The following DNAJB6 variants were observed in gnomAD, a reference collection of about 807,000 sequenced individuals.
The protein encoded by DNAJB6 is dnaJ homolog subfamily B member 6.
Under a neutral mutation model 42.7 loss-of-function variants are expected in DNAJB6, and 16 were observed. The observed-to-expected ratio is 0.37, with a 90% CI of 0.25 to 0.57. DNAJB6 has a LOEUF of 0.57. Ranked by LOEUF, DNAJB6 falls within the 20% of genes least tolerant of loss-of-function variation. The probability of loss-of-function intolerance (pLI) is 0.74; values close to 1 mark genes in which losing one functional copy is unlikely to be tolerated. For missense variants in DNAJB6, 347 were observed against 416.8 expected (o/e 0.83, Z 1.46); for synonymous variants, 170 against 163.5 (o/e 1.04, Z -0.30).
intron 2 of DNAJB6, among the ~76,000 whole-genome samples, chr7:157,360,873 A>G (rs1163190746): frequency 1.3e-5 from 2 of 152,210 alleles, no homozygotes; most frequent in Admixed American, 6.5e-5. Flanking sequence ...ACTGGTGTGC[A>G]GGTCCAACAG....
intron 2 of DNAJB6, among the ~76,000 whole-genome samples, chr7:157,360,553 T>G (rs1563121037): frequency 6.6e-6 from 1 of 152,214 alleles, no homozygotes; most frequent in Non-Finnish European, 1.5e-5. Flanking sequence ...AACATACAGG[T>G]TGCTGAGTGT....
At chr7:157,391,406 A>T (rs1261405811) in intron 8 of DNAJB6, among the ~76,000 whole-genome samples, 1 of 152,228 alleles carries the variant, frequency 6.6e-6, no homozygotes, top group African/African-American at 2.4e-5. Context: ...GTTTTCCACG[A>T]GTCTTTTCAG....
intron 1 of DNAJB6, among the ~76,000 whole-genome samples, chr7:157,345,416 G>A (rs1002525984): frequency 6.6e-6 from 1 of 152,146 alleles, no homozygotes; most frequent in South Asian, 2.1e-4. Context: ...TTGCGCTCAA[G>A]TGATCCTGCC....
chr7:157,374,184 T>C (rs1188033006), intron 5 of DNAJB6, among the ~76,000 whole-genome samples: 1 of 152,204 alleles, frequency 6.6e-6, no homozygotes, highest in African/African-American at 2.4e-5. Context: ...GAGAGTTTCT[T>C]GGAGAACATG....
intron 1 of DNAJB6, among the ~76,000 whole-genome samples, chr7:157,341,479 T>G (rs1353094278): frequency 6.6e-6 from 1 of 152,198 alleles, no homozygotes; most frequent in African/African-American, 2.4e-5. Flanking sequence ...GAAGGGTGAT[T>G]TAGTTTACAC....
intron 2 of DNAJB6, among the ~76,000 whole-genome samples, chr7:157,362,948 T>C (rs1412321659): frequency 1.3e-5 from 2 of 152,198 alleles, no homozygotes; most frequent in African/African-American, 4.8e-5. Flanking sequence ...TAGCTGGGTC[T>C]ATCTGTGGCT....
chr7:157,370,253 ATTATTATTAAACCGGCCTTTCATTAACG>A (rs1800132731), intron 5 of DNAJB6, among the ~76,000 whole-genome samples: 4 of 150,378 alleles, frequency 2.7e-5, no homozygotes. Context: ...CTTTCTTAAC[ATTATTATTAAACCGGCCTTTCATTAACG>A]TTATTATTAA....
chr7:157,362,028 A>G lies in DNAJB6; in HGVS notation c.66-1133A>G, dbSNP rs144981796. On this transcript the variant is annotated intron_variant, in intron 2 of 9. Coordinates refer to ENST00000262177, the MANE Select transcript of DNAJB6 (RefSeq NM_058246.4). ...TGATCCACCCACCTCGGCCTGCCAGAGTGCTGGGATTACAGGTGTGAGCCG... is the reference window on the plus strand; with the variant it reads ...TGATCCACCCACCTCGGCCTGCCAGGGTGCTGGGATTACAGGTGTGAGCCG... 4.7e-3 allele frequency among the ~76,000 whole-genome samples: 710 copies of G among 151,716 alleles called. 5 individuals are homozygous for G. Among genetic ancestry groups the G allele is most frequent in the African/African-American group, 0.016 (672 of 41,368 alleles).
chr7:157,358,047 T>C (rs748214856), intron 1 of DNAJB6, among the ~76,000 whole-genome samples: 4 of 152,312 alleles, frequency 2.6e-5, no homozygotes, highest in African/African-American at 9.6e-5. Flanking sequence ...TGTTCCCTCG[T>C]GTGGGTGACA....
At chr7:157,382,097 A>T in intron 5 of DNAJB6, 149 bp from the exon 6 acceptor site, 2 of 741,122 alleles carry the variant, frequency 2.7e-6, no homozygotes, top group Middle Eastern at 3.8e-4. Context: ...TGTTTCAGTT[A>T]CTCTGTAGAT....
At chr7:157,378,578 C>G (rs1432326637) in intron 5 of DNAJB6, 2 of 152,252 alleles carry the variant, frequency 1.3e-5, no homozygotes, top group Admixed American at 1.3e-4. Flanking sequence ...GCATTTCTCT[C>G]CAGCTCTGCT....
intron 9 of DNAJB6, chr7:157,411,110 G>A (rs1795955059): frequency 6.6e-6 from 1 of 152,254 alleles, no homozygotes; most frequent in Admixed American, 6.5e-5. Flanking sequence ...GACAGACAGA[G>A]GCAGTTGCAG....
chr7:157,384,127 C>G (rs1314331445), intron 6 of DNAJB6, among the ~76,000 whole-genome samples: 1 of 152,048 alleles, frequency 6.6e-6, no homozygotes, highest in Non-Finnish European at 1.5e-5. Flanking sequence ...ACCAGTAGAC[C>G]AGCTTTAATA....
At chr7:157,354,703 T>G (rs1799182734) in intron 1 of DNAJB6, among the ~76,000 whole-genome samples, 1 of 152,180 alleles carries the variant, frequency 6.6e-6, no homozygotes, top group Non-Finnish European at 1.5e-5. Context: ...TAGAGGCTGC[T>G]GTAGGTCAGG....
intron 2 of DNAJB6, among the ~76,000 whole-genome samples, chr7:157,359,885 A>C (rs1799491710): frequency 6.6e-6 from 1 of 152,204 alleles, no homozygotes; most frequent in South Asian, 2.1e-4. Flanking sequence ...CGAGGAACCT[A>C]GTAGAAGCAG....
intron 9 of DNAJB6, 104 bp downstream of exon 9, chr7:157,410,105 C>CTGAGCGGGCGTGGG (rs1214410353): frequency 1.0e-5 from 15 of 1,437,456 alleles, no homozygotes; most frequent in Middle Eastern, 2.0e-4. Context: ...GTGTTCTGAC[C>CTGAGCGGGCGTGGG]TGAGCGGGCG....
intron 8 of DNAJB6, among the ~76,000 whole-genome samples, chr7:157,394,570 G>T (rs1409755282): frequency 6.6e-6 from 1 of 152,076 alleles, no homozygotes; most frequent in Non-Finnish European, 1.5e-5. Flanking sequence ...TAGAACATTT[G>T]TGTGAAGTGG....
chr7:157,367,148 A>G (rs1051568362), intron 4 of DNAJB6, among the ~76,000 whole-genome samples: 3 of 152,188 alleles, frequency 2.0e-5, no homozygotes, highest in African/African-American at 4.8e-5. Flanking sequence ...AGATGGTGAA[A>G]AGTAGTGTCG....
Position 157,402,608 on chromosome 7 carries a change from G to T in DNAJB6, c.692-7187G>T, listed in dbSNP as rs58868066. Among the ~76,000 whole-genome samples the T allele has an allele frequency of 4.7e-3, 717 of 152,368 alleles. 4 individuals carry two copies. Among genetic ancestry groups the T allele is most frequent in the African/African-American group, 0.016 (678 of 41,584 alleles). ...CACTTCCACCTCCGTAGGCCTGAGGGAGCCGGGTCCCAGGGGAGGGCTGTG... is the reference window on the plus strand; with the variant it reads ...CACTTCCACCTCCGTAGGCCTGAGGTAGCCGGGTCCCAGGGGAGGGCTGTG... On this transcript the variant is annotated intron_variant, in intron 8 of 9. Transcript: ENST00000262177.
Sources: allele counts gnomAD v4.1 joint callset (sites outside exome capture counted in the v4.1 genomes callset), GRCh38; gene constraint gnomAD v4.1.1; transcripts MANE v1.5; gene names NCBI Gene and HGNC (gene_info 2026-07-23, HGNC 2026-07-21).